The following ERC2 variants were observed in gnomAD, a reference collection of about 807,000 sequenced individuals.
The protein encoded by ERC2 is ERC protein 2.
A neutral mutation model predicts 114.8 loss-of-function variants in ERC2; 42 were observed. The observed-to-expected ratio is 0.37, with a 90% CI of 0.29 to 0.47. The LOEUF (loss-of-function observed/expected upper bound fraction) is 0.47. Ranked by LOEUF, ERC2 falls within the 20% of genes least tolerant of loss-of-function variation. ERC2 has a pLI of 0.99. For synonymous variants in ERC2, 454 were observed against 425.5 expected (o/e 1.07, Z -0.82); for missense variants, 939 against 1,150.7 (o/e 0.82, Z 2.66).
intron 17 of ERC2, among the ~76,000 whole-genome samples, chr3:55,678,265 A>G (rs1377565155): frequency 6.6e-6 from 1 of 152,210 alleles, no homozygotes; most frequent in Non-Finnish European, 1.5e-5. Flanking sequence ...TCCTGAAAAG[A>G]GATTATTGAA....
intron 14 of ERC2, among the ~76,000 whole-genome samples, chr3:55,752,286 G>A (rs1000158224): frequency 2.6e-5 from 4 of 152,152 alleles, no homozygotes; most frequent in Non-Finnish European, 4.4e-5. Context: ...TACAGCTAAG[G>A]GGTCTATTTC....
At chr3:56,025,795 G>A (rs1467151177) in intron 7 of ERC2, among the ~76,000 whole-genome samples, 1 of 152,004 alleles carries the variant, frequency 6.6e-6, no homozygotes, top group Non-Finnish European at 1.5e-5. Flanking sequence ...AACACCAACA[G>A]GCACATAATA....
At chr3:56,235,813 G>A (rs1292629971) in intron 3 of ERC2, among the ~76,000 whole-genome samples, 1 of 152,174 alleles carries the variant, frequency 6.6e-6, no homozygotes. Flanking sequence ...GCCACATGTG[G>A]CTAGCGGCTA....
intron 2 of ERC2, among the ~76,000 whole-genome samples, chr3:56,361,095 G>A (rs1157813057): frequency 2.0e-5 from 3 of 152,152 alleles, no homozygotes; most frequent in Non-Finnish European, 4.4e-5. Flanking sequence ...GGGCTGAAGA[G>A]AAAGACCAGG....
chr3:55,818,331 A>G (rs1408625207), intron 14 of ERC2, among the ~76,000 whole-genome samples: 1 of 152,224 alleles, frequency 6.6e-6, no homozygotes, highest in African/African-American at 2.4e-5. Flanking sequence ...AGTCTGAAAT[A>G]GTCAATAAAT....
chr3:55,517,928 C>G (rs2052644369), intron 17 of ERC2, among the ~76,000 whole-genome samples: 2 of 152,204 alleles, frequency 1.3e-5, no homozygotes. Context: ...CCTTCTTTAA[C>G]AGGAGAGACT....
chr3:56,216,454 A>G (rs1321302626), intron 3 of ERC2, among the ~76,000 whole-genome samples: 1 of 152,236 alleles, frequency 6.6e-6, no homozygotes, highest in Non-Finnish European at 1.5e-5. Context: ...AAGAAGTTGA[A>G]TCTCTGAATA....
At chr3:56,450,193 T>C (rs1313127408) in intron 1 of ERC2, among the ~76,000 whole-genome samples, 1 of 152,224 alleles carries the variant, frequency 6.6e-6, no homozygotes, top group Non-Finnish European at 1.5e-5. Flanking sequence ...AACACGCCTA[T>C]CCACACATCA....
intron 13 of ERC2, among the ~76,000 whole-genome samples, chr3:55,899,195 T>C (rs1253778943): frequency 6.6e-6 from 1 of 152,202 alleles, no homozygotes; most frequent in Non-Finnish European, 1.5e-5. Flanking sequence ...ATTTACCTTT[T>C]TTGGTCACGG....
intron 7 of ERC2, among the ~76,000 whole-genome samples, chr3:56,046,367 G>A (rs902464853): frequency 5.3e-5 from 8 of 152,156 alleles, no homozygotes; most frequent in East Asian, 1.9e-4. Context: ...AAGGGTTGGC[G>A]AGTAAGCTCC....
intron 14 of ERC2, among the ~76,000 whole-genome samples, chr3:55,855,672 A>T (rs1463927710): frequency 6.6e-6 from 1 of 152,242 alleles, no homozygotes; most frequent in Non-Finnish European, 1.5e-5. Flanking sequence ...ACAGAATAAA[A>T]GTACTGTAGA....
intron 14 of ERC2, among the ~76,000 whole-genome samples, chr3:55,873,558 G>A (rs972473862): frequency 3.3e-5 from 5 of 152,188 alleles, no homozygotes; most frequent in African/African-American, 9.7e-5. Context: ...TTCTGCTTTA[G>A]GATAAACATG....
chr3:56,363,621 G>T (rs2150565816), intron 2 of ERC2, among the ~76,000 whole-genome samples: 1 of 152,298 alleles, frequency 6.6e-6, no homozygotes, highest in East Asian at 1.9e-4. Context: ...GGTGAATACA[G>T]AGTGACTTGT....
chr3:56,378,994 A>G (rs1173967699), intron 2 of ERC2, among the ~76,000 whole-genome samples: 1 of 152,250 alleles, frequency 6.6e-6, no homozygotes. Flanking sequence ...CCATTTCAAT[A>G]ACGTATTTTA....
intron 13 of ERC2, among the ~76,000 whole-genome samples, chr3:55,942,457 T>C (rs993664828): frequency 7.1e-6 from 1 of 140,702 alleles, no homozygotes; most frequent in African/African-American, 2.5e-5. Flanking sequence ...CCCGGCTAAT[T>C]TTTTTTTTTT....
chr3:56,026,251 T>A (rs138058662), intron 7 of ERC2, among the ~76,000 whole-genome samples: 1,790 of 152,086 alleles, frequency 0.012, 16 homozygotes, highest in Non-Finnish European at 0.019. Flanking sequence ...GGTTTCACCA[T>A]GTTGGCCAGG....
At chr3:55,986,333 T>C (rs976844525) in intron 11 of ERC2, among the ~76,000 whole-genome samples, 1 of 152,212 alleles carries the variant, frequency 6.6e-6, no homozygotes, top group Non-Finnish European at 1.5e-5. Context: ...AGAAAGTTCC[T>C]ATCTGTGTGC....
At chr3:56,299,119 G>GTTTTT (rs1162614631) in intron 2 of ERC2, among the ~76,000 whole-genome samples, 6 of 108,142 alleles carry the variant, frequency 5.5e-5, no homozygotes, top group African/African-American at 2.0e-4. Context: ...TTTTTTTTTT[G>GTTTTT]TTTTTTTTTT....
At chr3:55,629,279 G>A (rs1053995697) in intron 17 of ERC2, among the ~76,000 whole-genome samples, 3 of 152,162 alleles carry the variant, frequency 2.0e-5, no homozygotes, top group Admixed American at 6.5e-5. Flanking sequence ...AGAGATGATC[G>A]GAAGCCAGTA....
Sources: allele counts gnomAD v4.1 joint callset (sites outside exome capture counted in the v4.1 genomes callset), GRCh38; gene constraint gnomAD v4.1.1; transcripts MANE v1.5; gene names NCBI Gene and HGNC (gene_info 2026-07-23, HGNC 2026-07-21).